Variants in PDE4D observed in about 807,000 individuals in gnomAD.
PDE4D encodes the protein phosphodiesterase 4D, also known as 3',5'-cyclic-AMP phosphodiesterase 4D.
PDE4D carries 24 observed loss-of-function variants against 87.4 expected under a neutral mutation model. The observed-to-expected ratio is 0.27, with a 90% CI of 0.20 to 0.39. The LOEUF (loss-of-function observed/expected upper bound fraction) is 0.39, where lower values mean the gene tolerates loss of function less well. PDE4D is among the 10% of genes least tolerant of loss of function. The pLI is 1.00. For synonymous variants in PDE4D, 384 were observed against 383.2 expected (o/e 1.00, Z -0.02); for missense variants, 714 against 1,041.0 (o/e 0.69, Z 4.32).
At chr5:59,812,250 G>A (rs755141602) in intron 1 of PDE4D, among the ~76,000 whole-genome samples, 5 of 152,100 alleles carry the variant, frequency 3.3e-5, no homozygotes, top group Non-Finnish European at 5.9e-5. Flanking sequence ...ATCTACTACC[G>A]CTTTCAAGGA....
intron 1 of PDE4D, among the ~76,000 whole-genome samples, chr5:60,368,044 A>G (rs1269181993): frequency 6.6e-6 from 1 of 152,212 alleles, no homozygotes; most frequent in Non-Finnish European, 1.5e-5. Flanking sequence ...ATTGTGATTC[A>G]TTGAAATGTT....
chr5:59,653,909 GA>G (rs1268365461), intron 1 of PDE4D, among the ~76,000 whole-genome samples: 1 of 138,770 alleles, frequency 7.2e-6, no homozygotes, highest in Admixed American at 7.2e-5. Flanking sequence ...GAGGGGAGGG[GA>G]AAAAGGGAGG....
intron 1 of PDE4D, among the ~76,000 whole-genome samples, chr5:59,509,170 C>T (rs1809820846): frequency 6.6e-6 from 1 of 151,804 alleles, no homozygotes; most frequent in Non-Finnish European, 1.5e-5. Flanking sequence ...AATTTCAAAG[C>T]ACCCAAAAAG....
intron 2 of PDE4D, among the ~76,000 whole-genome samples, chr5:60,138,787 T>A (rs1460308025): frequency 1.3e-5 from 2 of 152,074 alleles, no homozygotes; most frequent in African/African-American, 4.8e-5. Context: ...AAATGGTAAA[T>A]ATATATACTG....
chr5:60,150,819 A>G (rs1781439632), intron 2 of PDE4D, among the ~76,000 whole-genome samples: 1 of 152,172 alleles, frequency 6.6e-6, no homozygotes, highest in South Asian at 2.1e-4. Context: ...GAAATCTGTG[A>G]ATACAGAATA....
At chr5:59,041,054 C>T (rs948139285) in intron 5 of PDE4D, among the ~76,000 whole-genome samples, 1 of 152,124 alleles carries the variant, frequency 6.6e-6, no homozygotes, top group South Asian at 2.1e-4. Flanking sequence ...TGTTCTACTT[C>T]CTCCACCCCG....
chr5:60,328,055 G>C (rs1756961576), intron 1 of PDE4D, among the ~76,000 whole-genome samples: 1 of 152,134 alleles, frequency 6.6e-6, no homozygotes, highest in Non-Finnish European at 1.5e-5. Context: ...ATTGTCACCA[G>C]CCTATTTTCA....
intron 1 of PDE4D, among the ~76,000 whole-genome samples, chr5:59,393,603 T>C (rs2153609666): frequency 6.6e-6 from 1 of 152,326 alleles, no homozygotes; most frequent in Admixed American, 6.5e-5. Flanking sequence ...ACAACACCAA[T>C]ATTTAGGGAC....
At chr5:59,469,199 G>A (rs1478940123) in intron 1 of PDE4D, among the ~76,000 whole-genome samples, 1 of 151,966 alleles carries the variant, frequency 6.6e-6, no homozygotes, top group Non-Finnish European at 1.5e-5. Context: ...GTGGTAGCGG[G>A]TGCCTGTAGT....
At chr5:59,348,613 C>T (rs1779987364) in intron 1 of PDE4D, among the ~76,000 whole-genome samples, 1 of 133,622 alleles carries the variant, frequency 7.5e-6, no homozygotes, top group African/African-American at 2.8e-5. Context: ...TTTAAAGCTT[C>T]ACTTCAAAGC....
chr5:60,306,162 C>A (rs1754482457), intron 1 of PDE4D, among the ~76,000 whole-genome samples: 1 of 151,734 alleles, frequency 6.6e-6, no homozygotes, highest in Non-Finnish European at 1.5e-5. Context: ...GAATTAATAT[C>A]ATAAGATAAC....
intron 1 of PDE4D, among the ~76,000 whole-genome samples, chr5:60,395,306 T>C (rs1762815990): frequency 6.6e-6 from 1 of 152,044 alleles, no homozygotes; most frequent in Admixed American, 6.6e-5. Flanking sequence ...TGTAAGGTTT[T>C]TTTTTTAATT....
At chr5:59,294,367 G>T (rs1768639860) in intron 1 of PDE4D, among the ~76,000 whole-genome samples, 2 of 152,060 alleles carry the variant, frequency 1.3e-5, no homozygotes, top group African/African-American at 4.8e-5. Flanking sequence ...TGTGCAAAAT[G>T]GTGGCCCTGT....
At chr5:59,906,446 A>G (rs1352666948) in intron 3 of PDE4D, among the ~76,000 whole-genome samples, 6 of 152,178 alleles carry the variant, frequency 3.9e-5, no homozygotes, top group African/African-American at 7.2e-5. Flanking sequence ...TGTGGCTATT[A>G]GACAAATTCA....
chr5:59,229,580 A>T (rs1356196490), intron 1 of PDE4D, among the ~76,000 whole-genome samples: 1 of 152,154 alleles, frequency 6.6e-6, no homozygotes, highest in East Asian at 1.9e-4. Context: ...ATACAAAAAA[A>T]TCTTAGTTTT....
rs749651668 is a variant in PDE4D at position 58,972,202 on chromosome 5, CTT to C, written c.*2460_*2461del. ...TGGAAAGAGGAATAAACTCTAGACTCTTTACCTTTCTTTCTAGACTTCACTCA... is the reference window on the plus strand; with the variant it reads ...TGGAAAGAGGAATAAACTCTAGACTCTACCTTTCTTTCTAGACTTCACTCA... On this transcript the variant is annotated 3_prime_UTR_variant, in exon 15 of 15. Transcript: ENST00000340635. 2 of 152,598 alleles carry C rather than the reference CTT, an allele frequency of 1.3e-5. No individual in the cohort carries two copies. The highest frequency in any genetic ancestry group is 1.9e-4 in the East Asian group (1 of 5,182). The allele number at this position is 152,598 out of a possible 1,614,324, so 9.5% of individuals were successfully genotyped here. A position where few individuals can be genotyped will look rare whatever the true frequency, so the allele number is the denominator to read the frequency against.
chr5:59,976,596 G>A (rs1055691526), intron 3 of PDE4D, among the ~76,000 whole-genome samples: 1 of 152,154 alleles, frequency 6.6e-6, no homozygotes, highest in African/African-American at 2.4e-5. Flanking sequence ...TAAACAATGA[G>A]CCAAATAAAT....
chr5:59,430,627 AG>A (rs1293109225), intron 1 of PDE4D: 2 of 359,246 alleles, frequency 5.6e-6, no homozygotes, highest in African/African-American at 4.2e-5. Context: ...GGATACAAGA[AG>A]CTTTTTGCTT....
At chr5:60,345,068 C>T (rs952310568) in intron 1 of PDE4D, among the ~76,000 whole-genome samples, 2 of 151,542 alleles carry the variant, frequency 1.3e-5, no homozygotes, top group Non-Finnish European at 2.9e-5. Flanking sequence ...ATTACATACA[C>T]GTATATATAG....
Sources: gnomAD v4.1 joint callset for allele counts (sites outside exome capture counted in the v4.1 genomes callset) on GRCh38, gnomAD v4.1.1 for gene constraint, MANE v1.5 for transcripts, NCBI Gene and HGNC (gene_info 2026-07-23, HGNC 2026-07-21) for gene names.